Variants in DACH2 observed in about 807,000 individuals in gnomAD.
DACH2 encodes dachshund family transcription factor 2.
DACH2 carries 17 observed loss-of-function variants against 35.8 expected under a neutral mutation model. The observed-to-expected ratio is 0.48, with a 90% CI of 0.33 to 0.71. The LOEUF (loss-of-function observed/expected upper bound fraction) is 0.71. Ranked by LOEUF, DACH2 falls within the 30% of genes least tolerant of loss-of-function variation. The pLI is 0.02. For synonymous variants in DACH2, 195 were observed against 177.3 expected, an observed-to-expected ratio of 1.10 and a Z score of -0.79; for missense variants, 469 against 472.7, an observed-to-expected ratio of 0.99 and a Z score of 0.07.
intron 1 of DACH2, among the ~76,000 whole-genome samples, chrX:86,272,431 G>T (rs2033831579): frequency 9.0e-6 from 1 of 111,358 alleles, no homozygotes; most frequent in Non-Finnish European, 1.9e-5. Flanking sequence ...AGTAGCTAGA[G>T]TTTACAGGTA....
At chrX:86,772,331 A>G (rs2041994860) in intron 7 of DACH2, among the ~76,000 whole-genome samples, 1 of 111,677 alleles carries the variant, frequency 9.0e-6, no homozygotes, top group African/African-American at 3.2e-5. Context: ...CCCAATAGCA[A>G]GAAGCTTGAA....
At chrX:86,334,882 A>G (rs1035449040) in intron 1 of DACH2, among the ~76,000 whole-genome samples, 1 of 111,870 alleles carries the variant, frequency 8.9e-6, no homozygotes, top group African/African-American at 3.2e-5. Context: ...TAGGGTTTTT[A>G]TGGTTTTAGG....
chrX:86,651,488 C>G (rs571652889), intron 4 of DACH2, among the ~76,000 whole-genome samples: 2 of 111,509 alleles, frequency 1.8e-5, no homozygotes, highest in South Asian at 7.4e-4. Flanking sequence ...GTTTCTTATT[C>G]CATCCTATTC....
intron 7 of DACH2, among the ~76,000 whole-genome samples, chrX:86,765,707 T>G (rs1205282954): frequency 2.1e-5 from 2 of 96,453 alleles, no homozygotes; most frequent in Admixed American, 1.2e-4. Flanking sequence ...GGTTTTTTTT[T>G]TTTTTTTTTT....
chrX:86,767,898 A>G (rs1488141467), intron 7 of DACH2, among the ~76,000 whole-genome samples: 3 of 111,779 alleles, frequency 2.7e-5, no homozygotes, highest in African/African-American at 9.8e-5. Flanking sequence ...GTTACAGACA[A>G]TAAGTCTGAT....
chrX:86,262,641 C>CAA (rs34823649), intron 1 of DACH2, among the ~76,000 whole-genome samples: 6,626 of 102,381 alleles, frequency 0.065, 217 homozygotes, highest in African/African-American at 0.12. Flanking sequence ...TAATCTGCTC[C>CAA]AAAAAAAAAA....
At chrX:86,698,514 G>GTTTT (rs1345238527) in intron 5 of DACH2, among the ~76,000 whole-genome samples, 100 of 34,316 alleles carry the variant, frequency 2.9e-3, no homozygotes, top group Admixed American at 5.7e-3. Context: ...TGTTTTGTTA[G>GTTTT]TTTTGTGTTT....
intron 2 of DACH2, chrX:86,481,659 A>G (rs1227442823): frequency 8.9e-6 from 1 of 112,283 alleles, no homozygotes; most frequent in Non-Finnish European, 1.9e-5. Flanking sequence ...ACTTATGCAG[A>G]TGACTGCTTC....
chrX:86,638,300 A>G (rs138096122), intron 3 of DACH2, among the ~76,000 whole-genome samples: 368 of 112,221 alleles, frequency 3.3e-3, no homozygotes, highest in Non-Finnish European at 5.0e-3. Flanking sequence ...ACCTGAAATT[A>G]TAAAAATATC....
rs184118345 is a variant in DACH2 at position 86,154,626 on chromosome X, C to T, written c.488+5518C>T. 7.2e-5 allele frequency among the ~76,000 whole-genome samples: 8 copies of T among 111,490 alleles called. No homozygotes were observed. In the Admixed American group the frequency reaches 7.6e-4, roughly 11 times the overall value. The stretch of plus-strand genomic sequence containing the variant: ...TGATTTATCTCTTTTACACTTTTTT[C>T]CATTTGAATTGATCTTGCATTAATT... On this transcript the variant is annotated intron_variant, in intron 1 of 11. Transcript: ENST00000373125.
intron 6 of DACH2, among the ~76,000 whole-genome samples, chrX:86,722,982 A>T (rs5922285): frequency 0.28 from 30,837 of 110,621 alleles, 3,270 homozygotes; most frequent in East Asian, 0.48. Flanking sequence ...GGTTATTTGT[A>T]TTAATGATTC....
intron 3 of DACH2, among the ~76,000 whole-genome samples, chrX:86,611,374 G>A (rs2039942560): frequency 9.1e-6 from 1 of 109,756 alleles, no homozygotes; most frequent in Non-Finnish European, 1.9e-5. Context: ...GTGCCACCTG[G>A]GGTTGGGAGA....
chrX:86,613,861 G>A (rs1452984943), intron 3 of DACH2, among the ~76,000 whole-genome samples: 1 of 111,483 alleles, frequency 9.0e-6, no homozygotes, highest in East Asian at 2.8e-4. Flanking sequence ...TCATACTTAA[G>A]ATCTAATTTA....
intron 2 of DACH2, among the ~76,000 whole-genome samples, chrX:86,470,748 C>T (rs2037748952): frequency 9.0e-6 from 1 of 110,887 alleles, no homozygotes; most frequent in Admixed American, 9.7e-5. Flanking sequence ...GCAATGTATT[C>T]ATGTATCAAA....
intron 4 of DACH2, among the ~76,000 whole-genome samples, chrX:86,659,768 T>A (rs986393857): frequency 2.7e-5 from 3 of 112,063 alleles, no homozygotes; most frequent in Non-Finnish European, 5.7e-5. Context: ...TGTGCCTTGG[T>A]TACAATGAAC....
chrX:86,520,424 G>T (rs184663451), intron 3 of DACH2, among the ~76,000 whole-genome samples: 3 of 111,161 alleles, frequency 2.7e-5, no homozygotes, highest in Non-Finnish European at 5.7e-5. Context: ...AGACCCAGTT[G>T]GTCCAAAGTT....
At chrX:86,583,731 A>C (rs2148342966) in intron 3 of DACH2, among the ~76,000 whole-genome samples, 1 of 109,724 alleles carries the variant, frequency 9.1e-6, no homozygotes, top group South Asian at 3.8e-4. Flanking sequence ...CAAATAAATA[A>C]CCAGCCTTGC....
chrX:86,734,998 A>G (rs1343320264), intron 6 of DACH2, among the ~76,000 whole-genome samples: 3 of 111,907 alleles, frequency 2.7e-5, no homozygotes, highest in Non-Finnish European at 5.7e-5. Flanking sequence ...GAACACATTA[A>G]TAGATTAACA....
chrX:86,326,512 CATATAT>C (rs368452832), intron 1 of DACH2, among the ~76,000 whole-genome samples: 12 of 102,906 alleles, frequency 1.2e-4, no homozygotes, highest in South Asian at 4.6e-4. Context: ...CACACACACA[CATATAT>C]ATATATATAT....
Sources: allele counts gnomAD v4.1 joint callset (sites outside exome capture counted in the v4.1 genomes callset), GRCh38; gene constraint gnomAD v4.1.1; transcripts MANE v1.5; gene names NCBI Gene and HGNC (gene_info 2026-07-23, HGNC 2026-07-21).